Variants in CSMD1 observed in about 807,000 individuals in gnomAD.
CSMD1 encodes the protein CUB and sushi domain-containing protein 1.
A neutral mutation model predicts 417.5 loss-of-function variants in CSMD1; 213 were observed. That is an observed-to-expected ratio of 0.51 (90% CI 0.46 to 0.57). CSMD1 has a LOEUF of 0.57. Ranked by LOEUF, CSMD1 falls within the 20% of genes least tolerant of loss-of-function variation. CSMD1 has a pLI of 0.00. For missense variants in CSMD1, 6,923 were observed against 4,529.7 expected (o/e 1.53, Z -15.17); for synonymous variants, 2,862 against 1,736.8 (o/e 1.65, Z -16.11).
intron 2 of CSMD1, among the ~76,000 whole-genome samples, chr8:4,560,975 C>G (rs184984364): frequency 8.5e-5 from 13 of 152,292 alleles, no homozygotes; most frequent in African/African-American, 3.1e-4. Flanking sequence ...TTCCACTGTT[C>G]TAAATATTTC....
chr8:4,705,975 G>T (rs1451124777), intron 1 of CSMD1, among the ~76,000 whole-genome samples: 1 of 151,560 alleles, frequency 6.6e-6, no homozygotes, highest in Non-Finnish European at 1.5e-5. Context: ...TAAATGCTTA[G>T]GATGACCTTT....
chr8:2,997,535 G>C (rs1317818252), intron 54 of CSMD1, among the ~76,000 whole-genome samples: 2 of 152,158 alleles, frequency 1.3e-5, no homozygotes, highest in African/African-American at 4.8e-5. Context: ...AACATCATGA[G>C]CTCAAACATC....
At chr8:4,617,504 AC>A (rs1157181793) in intron 2 of CSMD1, among the ~76,000 whole-genome samples, 8 of 152,168 alleles carry the variant, frequency 5.3e-5, no homozygotes, top group Non-Finnish European at 8.8e-5. Flanking sequence ...TCACCTGTCA[AC>A]TAGACAATGC....
intron 7 of CSMD1, among the ~76,000 whole-genome samples, chr8:3,658,464 G>GAATATATA (rs1554502334): frequency 6.9e-6 from 1 of 144,176 alleles, no homozygotes; most frequent in Admixed American, 7.0e-5. Context: ...TATATATATT[G>GAATATATA]TGTATATATA....
At chr8:4,924,494 G>T (rs1463704605) in intron 1 of CSMD1, among the ~76,000 whole-genome samples, 1 of 152,118 alleles carries the variant, frequency 6.6e-6, no homozygotes, top group East Asian at 1.9e-4. Context: ...AGGCTGGGGC[G>T]GGTAGATCAC....
At chr8:3,579,480 C>T (rs191713841) in intron 9 of CSMD1, among the ~76,000 whole-genome samples, 64 of 152,218 alleles carry the variant, frequency 4.2e-4, no homozygotes, top group African/African-American at 1.2e-3. Context: ...TTTCAGGAGT[C>T]GCATTAGAAG....
In CSMD1 at chr8:3,616,690, A is replaced by G. The variant is rs1373706122; in HGVS notation, c.1097+20T>C. Reference sequence around the variant, plus strand: ...TCTTAAAAATAACATGCTTTTTTCCACCACTATTGTATCTCTTACCTGAAG... The same window carrying G: ...TCTTAAAAATAACATGCTTTTTTCCGCCACTATTGTATCTCTTACCTGAAG... On this transcript the variant is annotated intron_variant, in intron 8 of 69. Coordinates refer to ENST00000635120, the MANE Select transcript of CSMD1 (RefSeq NM_033225.6). 10 of 1,474,042 alleles carry G rather than the reference A, an allele frequency of 6.8e-6. No homozygotes were observed. The highest frequency in any genetic ancestry group is 1.7e-5 in the Admixed American group (1 of 58,234). The allele number at this position is 1,474,042 out of a possible 1,614,324, so 91.3% of individuals were successfully genotyped here.
chr8:4,513,922 A>T (rs1416450129), intron 2 of CSMD1, among the ~76,000 whole-genome samples: 1 of 152,168 alleles, frequency 6.6e-6, no homozygotes, highest in Admixed American at 6.5e-5. Flanking sequence ...GTGTGATGTC[A>T]AATTTCTCAA....
chr8:3,258,126 AAGAC>A (rs1800794806), intron 26 of CSMD1, among the ~76,000 whole-genome samples: 1 of 152,138 alleles, frequency 6.6e-6, no homozygotes, highest in African/African-American at 2.4e-5. Context: ...TGGGATATGA[AAGAC>A]AGAATATGAG....
intron 3 of CSMD1, among the ~76,000 whole-genome samples, chr8:4,102,031 C>G (rs1801330681): frequency 6.6e-6 from 1 of 152,190 alleles, no homozygotes; most frequent in African/African-American, 2.4e-5. Flanking sequence ...CACAGATATG[C>G]AGAAATCCCA....
intron 26 of CSMD1, among the ~76,000 whole-genome samples, chr8:3,281,140 C>G (rs951285722): frequency 1.3e-5 from 2 of 151,974 alleles, no homozygotes; most frequent in African/African-American, 4.8e-5. Context: ...GTATGTCCTT[C>G]AATAAGAAAA....
At chr8:4,757,716 T>C (rs985534145) in intron 1 of CSMD1, among the ~76,000 whole-genome samples, 1 of 152,044 alleles carries the variant, frequency 6.6e-6, no homozygotes, top group African/African-American at 2.4e-5. Flanking sequence ...CCTATCACTT[T>C]GGGAGGGTGA....
chr8:3,157,159 T>C (rs915239161), intron 39 of CSMD1, among the ~76,000 whole-genome samples: 5 of 152,010 alleles, frequency 3.3e-5, no homozygotes, highest in African/African-American at 1.2e-4. Flanking sequence ...GGTTGAATGG[T>C]TGCCTGAGCT....
At chr8:3,468,185 A>T (rs1816887876) in intron 12 of CSMD1, among the ~76,000 whole-genome samples, 2 of 152,218 alleles carry the variant, frequency 1.3e-5, no homozygotes, top group Admixed American at 6.5e-5. Context: ...TTCACAGGAA[A>T]TTCATTTGCA....
intron 1 of CSMD1, among the ~76,000 whole-genome samples, chr8:4,881,411 A>C (rs930730511): frequency 7.4e-6 from 1 of 134,792 alleles, no homozygotes; most frequent in African/African-American, 2.7e-5. Context: ...CCTAGTATAC[A>C]TATCTATCTA....
At chr8:3,419,129 C>T (rs984147106) in intron 12 of CSMD1, among the ~76,000 whole-genome samples, 3 of 152,166 alleles carry the variant, frequency 2.0e-5, no homozygotes, top group African/African-American at 7.2e-5. Context: ...CTCAATGACG[C>T]AAGCTGCGCT....
At chr8:4,395,957 A>G (rs1451962016) in intron 3 of CSMD1, among the ~76,000 whole-genome samples, 1 of 152,208 alleles carries the variant, frequency 6.6e-6, no homozygotes, top group Non-Finnish European at 1.5e-5. Flanking sequence ...CATTTATGCC[A>G]TTAACTTTAG....
intron 2 of CSMD1, among the ~76,000 whole-genome samples, chr8:4,431,246 G>A (rs549999509): frequency 1.3e-5 from 2 of 152,110 alleles, no homozygotes; most frequent in East Asian, 1.9e-4. Flanking sequence ...ATAGTGAAAT[G>A]GCTCAAAGAT....
intron 10 of CSMD1, among the ~76,000 whole-genome samples, chr8:3,508,831 G>T (rs987401733): frequency 6.6e-6 from 1 of 152,194 alleles, no homozygotes; most frequent in African/African-American, 2.4e-5. Flanking sequence ...AGACACATCA[G>T]CTGTCACTCT....
Sources: gnomAD v4.1 joint callset for allele counts (sites outside exome capture counted in the v4.1 genomes callset) on GRCh38, gnomAD v4.1.1 for gene constraint, MANE v1.5 for transcripts, NCBI Gene and HGNC (gene_info 2026-07-23, HGNC 2026-07-21) for gene names.